The following LARGE1 variants were observed in gnomAD, a reference collection of about 807,000 sequenced individuals.
The protein encoded by LARGE1 is xylosyl- and glucuronyltransferase LARGE1.
LARGE1 carries 43 observed loss-of-function variants against 87.6 expected under a neutral mutation model. The ratio of observed to expected loss-of-function variants is 0.49; its 90% CI spans 0.38 to 0.63. LARGE1 has a LOEUF of 0.63. Among genes scored for constraint, LARGE1 ranks in the 30% least tolerant of loss-of-function variants. The probability of loss-of-function intolerance (pLI) is 0.00; values close to 1 mark genes in which losing one functional copy is unlikely to be tolerated. For missense variants in LARGE1, 802 were observed against 1,000.2 expected (o/e 0.80, Z 2.67); for synonymous variants, 434 against 394.6 (o/e 1.10, Z -1.18).
intron 2 of LARGE1, among the ~76,000 whole-genome samples, chr22:33,740,175 TCCTTGG>T (rs1471191167): frequency 1.3e-5 from 2 of 152,166 alleles, no homozygotes; most frequent in African/African-American, 4.8e-5. Context: ...CTGACTCCTC[TCCTTGG>T]CCTATTCCTA....
At chr22:33,292,824 A>G (rs1932784197) in intron 12 of LARGE1, among the ~76,000 whole-genome samples, 1 of 152,196 alleles carries the variant, frequency 6.6e-6, no homozygotes, top group African/African-American at 2.4e-5. Context: ...TAATTCCACT[A>G]CTTCCCTAAC....
chr22:33,356,434 G>C (rs5754534), intron 9 of LARGE1, among the ~76,000 whole-genome samples: 42,692 of 152,102 alleles, frequency 0.28, 6,371 homozygotes, highest in East Asian at 0.56. Flanking sequence ...TTTAACCTTA[G>C]GCAAGGTGTT....
intron 2 of LARGE1, among the ~76,000 whole-genome samples, chr22:33,731,165 G>A (rs1191267821): frequency 6.6e-6 from 1 of 151,768 alleles, no homozygotes. Flanking sequence ...CACCATGCCT[G>A]GCTAATTTTT....
intron 7 of LARGE1, among the ~76,000 whole-genome samples, chr22:33,415,599 T>A (rs1255678606): frequency 1.3e-5 from 2 of 152,164 alleles, no homozygotes; most frequent in African/African-American, 4.8e-5. Flanking sequence ...TCAGTTTAAT[T>A]AGAGCCCCCA....
intron 1 of LARGE1, among the ~76,000 whole-genome samples, chr22:33,854,443 ACAT>A (rs2063699886): frequency 6.6e-6 from 1 of 152,140 alleles, no homozygotes; most frequent in Non-Finnish European, 1.5e-5. Context: ...CCATCGGCTC[ACAT>A]CAGCCTTCTC....
At chr22:33,155,857 CT>C in the LARGE1 span, among the ~76,000 whole-genome samples, 5 of 152,146 alleles carry the variant, frequency 3.3e-5, no homozygotes. Flanking sequence ...CCCAGGGTCC[CT>C]TTGCTGTGTG....
chr22:33,089,371 CCTT>C, the LARGE1 span, among the ~76,000 whole-genome samples: 87 of 76,096 alleles, frequency 1.1e-3, 1 homozygote, highest in Admixed American at 2.7e-3. Context: ...TTCTTCTTCT[CCTT>C]CTTCTTCTTC....
chr22:33,787,443 C>T (rs1320670980), intron 1 of LARGE1, among the ~76,000 whole-genome samples: 1 of 152,104 alleles, frequency 6.6e-6, no homozygotes, highest in Non-Finnish European at 1.5e-5. Context: ...TTTCAGATTT[C>T]TACATTTGAC....
the LARGE1 span, among the ~76,000 whole-genome samples, chr22:33,144,827 C>T: frequency 6.6e-6 from 1 of 152,062 alleles, no homozygotes; most frequent in Non-Finnish European, 1.5e-5. Context: ...AAAGCAAATG[C>T]TCAATCATCA....
intron 1 of LARGE1, among the ~76,000 whole-genome samples, chr22:33,816,968 C>T (rs1308734449): frequency 3.9e-5 from 6 of 152,142 alleles, no homozygotes; most frequent in Non-Finnish European, 7.3e-5. Context: ...ACAATCTGCC[C>T]CTACAGCTAA....
At chr22:33,765,823 A>C (rs920188553) in intron 1 of LARGE1, among the ~76,000 whole-genome samples, 16 of 152,056 alleles carry the variant, frequency 1.1e-4, no homozygotes, top group African/African-American at 3.9e-4. Context: ...TGGGAAAAAA[A>C]CTCTTTAATA....
chr22:33,272,063 T>C (rs60726104), downstream of LARGE1, among the ~76,000 whole-genome samples: 31,340 of 152,102 alleles, frequency 0.21, 3,737 homozygotes, highest in African/African-American at 0.32. Context: ...CCCATAAAAA[T>C]GCAAGTGAAA....
intron 1 of LARGE1, among the ~76,000 whole-genome samples, chr22:33,880,170 T>A (rs1443010661): frequency 6.6e-6 from 1 of 152,216 alleles, no homozygotes; most frequent in Non-Finnish European, 1.5e-5. Flanking sequence ...TGCAAGCATT[T>A]CCGGAAGACC....
At chr22:33,155,017 C>T in the LARGE1 span, among the ~76,000 whole-genome samples, 1 of 152,220 alleles carries the variant, frequency 6.6e-6, no homozygotes, top group Non-Finnish European at 1.5e-5. Flanking sequence ...CTTTCACCTT[C>T]CACCATGATT....
At chr22:33,161,011 G>C (rs1922004335), downstream of LARGE1, among the ~76,000 whole-genome samples, 1 of 152,332 alleles carries the variant, frequency 6.6e-6, no homozygotes, top group Admixed American at 6.5e-5. Flanking sequence ...GCCTGAGACT[G>C]AGTAATTTAT....
At chr22:33,095,968 C>T in the LARGE1 span, among the ~76,000 whole-genome samples, 10 of 152,142 alleles carry the variant, frequency 6.6e-5, 1 homozygote, top group Admixed American at 5.9e-4. Flanking sequence ...ACCCCCATTC[C>T]CCTAGGATCA....
At chr22:33,689,667 C>T (rs2082041479) in intron 2 of LARGE1, among the ~76,000 whole-genome samples, 1 of 152,092 alleles carries the variant, frequency 6.6e-6, no homozygotes, top group Admixed American at 6.5e-5. Flanking sequence ...AAGGTCACAC[C>T]TGTAATGCCA....
intron 6 of LARGE1, among the ~76,000 whole-genome samples, chr22:33,498,776 C>T (rs540391533): frequency 9.2e-5 from 14 of 152,184 alleles, no homozygotes; most frequent in African/African-American, 2.9e-4. Flanking sequence ...TCGAGACCAC[C>T]CTGGCTAACA....
intron 2 of LARGE1, among the ~76,000 whole-genome samples, chr22:33,727,198 T>C (rs1279472399): frequency 1.3e-5 from 2 of 152,184 alleles, no homozygotes; most frequent in African/African-American, 4.8e-5. Flanking sequence ...AATATTGTTA[T>C]AGGGCTGTTA....
Sources: allele counts gnomAD v4.1 joint callset (sites outside exome capture counted in the v4.1 genomes callset), GRCh38; gene constraint gnomAD v4.1.1; transcripts MANE v1.5; gene names NCBI Gene and HGNC (gene_info 2026-07-23, HGNC 2026-07-21).